The following CSMD3 variants were observed in gnomAD, a reference collection of about 807,000 sequenced individuals.
CSMD3 encodes the protein CUB and sushi domain-containing protein 3.
A neutral mutation model predicts 435.2 loss-of-function variants in CSMD3; 177 were observed. The observed-to-expected ratio is 0.41, with a 90% CI of 0.36 to 0.46. CSMD3 has a LOEUF of 0.46. Among genes scored for constraint, CSMD3 ranks in the 20% least tolerant of loss-of-function variants. The pLI is 0.34. For synonymous variants in CSMD3, 1,656 were observed against 1,520.5 expected, an observed-to-expected ratio of 1.09 and a Z score of -2.07; for missense variants, 4,265 against 4,504.6, an observed-to-expected ratio of 0.95 and a Z score of 1.52.
chr8:113,231,970 A>G (rs1426333164), intron 3 of CSMD3, among the ~76,000 whole-genome samples: 1 of 151,610 alleles, frequency 6.6e-6, no homozygotes, highest in African/African-American at 2.4e-5. Flanking sequence ...AATACAACAC[A>G]GGGATCAAAT....
At chr8:112,289,149 A>C (rs576812732) in intron 57 of CSMD3, among the ~76,000 whole-genome samples, 1 of 152,052 alleles carries the variant, frequency 6.6e-6, no homozygotes, top group African/African-American at 2.4e-5. Flanking sequence ...TCAAAACACA[A>C]ACTTGTAATT....
At chr8:113,006,392 G>C (rs1019543750) in intron 6 of CSMD3, among the ~76,000 whole-genome samples, 7 of 152,018 alleles carry the variant, frequency 4.6e-5, no homozygotes, top group African/African-American at 1.4e-4. Context: ...AGCCCTTGTA[G>C]ATTGGTGAGG....
intron 5 of CSMD3, among the ~76,000 whole-genome samples, chr8:113,096,657 C>A (rs1174581087): frequency 2.6e-5 from 4 of 151,984 alleles, no homozygotes; most frequent in African/African-American, 9.7e-5. Context: ...GAATCTTGAG[C>A]CAGGCTCTAT....
At chr8:113,080,485 T>A (rs2131450478) in intron 5 of CSMD3, among the ~76,000 whole-genome samples, 1 of 152,278 alleles carries the variant, frequency 6.6e-6, no homozygotes, top group African/African-American at 2.4e-5. Context: ...TTATTTGCCT[T>A]TGAGGAGTTA....
intron 2 of CSMD3, among the ~76,000 whole-genome samples, chr8:113,307,641 C>T (rs927080448): frequency 6.6e-6 from 1 of 152,012 alleles, no homozygotes; most frequent in African/African-American, 2.4e-5. Context: ...CAAATAAATG[C>T]TATAAAGATT....
chr8:112,272,480 T>C (rs1207675984), intron 59 of CSMD3, among the ~76,000 whole-genome samples: 2 of 152,138 alleles, frequency 1.3e-5, no homozygotes, highest in Non-Finnish European at 1.5e-5. Flanking sequence ...TCAAAATTTA[T>C]TAAAAACATA....
At chr8:112,375,044 C>T (rs368282406) in intron 38 of CSMD3, among the ~76,000 whole-genome samples, 21 of 152,270 alleles carry the variant, frequency 1.4e-4, no homozygotes, top group African/African-American at 5.1e-4. Context: ...TTTAAAGCAA[C>T]TGCACATAAA....
At chr8:112,299,095 A>G (rs996125386) in intron 53 of CSMD3, among the ~76,000 whole-genome samples, 2 of 152,168 alleles carry the variant, frequency 1.3e-5, no homozygotes, top group African/African-American at 4.8e-5. Flanking sequence ...AGCCTTATAC[A>G]AAAGAGTGCA....
At chr8:112,839,965 T>C (rs2080133414) in intron 11 of CSMD3, among the ~76,000 whole-genome samples, 3 of 151,746 alleles carry the variant, frequency 2.0e-5, no homozygotes, top group African/African-American at 7.2e-5. Flanking sequence ...ATGCATGGTC[T>C]TTGTTGTTAA....
chr8:112,269,147 A>C (rs1432866742), intron 59 of CSMD3, among the ~76,000 whole-genome samples: 1 of 152,122 alleles, frequency 6.6e-6, no homozygotes, highest in Non-Finnish European at 1.5e-5. Flanking sequence ...CTCCTTGAGG[A>C]GATTTAGATT....
chr8:112,451,371 G>GA (rs1436671860), intron 32 of CSMD3, among the ~76,000 whole-genome samples: 71 of 150,708 alleles, frequency 4.7e-4, no homozygotes, highest in African/African-American at 1.4e-3. Context: ...AACATGAAAT[G>GA]AAAAAAAAGA....
intron 22 of CSMD3, among the ~76,000 whole-genome samples, chr8:112,619,730 T>A (rs1833920676): frequency 6.6e-6 from 1 of 152,110 alleles, no homozygotes; most frequent in South Asian, 2.1e-4. Context: ...TAACTGGGTA[T>A]TCTCTTAAAT....
chr8:113,305,808 A>C (rs2132622042), intron 2 of CSMD3, among the ~76,000 whole-genome samples: 1 of 152,382 alleles, frequency 6.6e-6, no homozygotes, highest in Non-Finnish European at 1.5e-5. Flanking sequence ...AATAATCATT[A>C]ACTGCCTAAG....
chr8:112,947,963 T>C (rs544997207), intron 8 of CSMD3, 86 bp from the exon 9 acceptor site: 106 of 666,358 alleles, frequency 1.6e-4, no homozygotes, highest in Admixed American at 2.7e-4. Flanking sequence ...ATACATAAAA[T>C]GTATTATTGT....
intron 3 of CSMD3, among the ~76,000 whole-genome samples, chr8:113,193,976 G>A (rs2092620098): frequency 6.6e-6 from 1 of 151,242 alleles, no homozygotes; most frequent in Non-Finnish European, 1.5e-5. Flanking sequence ...TACACACTAT[G>A]TGTCTAAACA....
intron 4 of CSMD3, among the ~76,000 whole-genome samples, chr8:113,149,607 T>C (rs2091758865): frequency 6.6e-6 from 1 of 151,972 alleles, no homozygotes; most frequent in African/African-American, 2.4e-5. Context: ...GACTGTGCAA[T>C]GTCAACCAGA....
intron 32 of CSMD3, among the ~76,000 whole-genome samples, chr8:112,429,525 G>A (rs964515657): frequency 2.0e-5 from 3 of 152,006 alleles, no homozygotes; most frequent in African/African-American, 7.2e-5. Flanking sequence ...TGAAATGAGT[G>A]CTATGACCCC....
At chr8:113,254,145 T>A (rs772875762) in intron 3 of CSMD3, among the ~76,000 whole-genome samples, 52 of 150,922 alleles carry the variant, frequency 3.4e-4, no homozygotes, top group Admixed American at 6.0e-4. Flanking sequence ...TGTCATGCTG[T>A]ACATTTTCAA....
Position 112,685,668 on chromosome 8 carries a change from C to A in CSMD3, c.2220G>T (p.Gly740=), listed in dbSNP as rs750378889. ...AGATGCAATTTAAATTATTTCCATACCCTTCTGGGTAATCAGGAGAAAGAA... is the reference window on the plus strand; with the variant it reads ...AGATGCAATTTAAATTATTTCCATAACCTTCTGGGTAATCAGGAGAAAGAA... ...GTVLSPDYPE[G]YGNNLNCIWT... is the part of the protein sequence containing the mutation. The change falls in exon 15 of 71, where the codon GGG becomes GGT. Residue 740 remains glycine, a synonymous_variant. Coordinates refer to ENST00000297405, the MANE Select transcript of CSMD3 (RefSeq NM_198123.2). 2.5e-6 allele frequency: 4 copies of A among 1,613,638 alleles called. No individual in the cohort carries two copies. Among genetic ancestry groups the A allele is most frequent in the Non-Finnish European group, 2.5e-6 (3 of 1,179,624 alleles).
Sources: allele counts gnomAD v4.1 joint callset (sites outside exome capture counted in the v4.1 genomes callset), GRCh38; gene constraint gnomAD v4.1.1; transcripts MANE v1.5; gene names NCBI Gene and HGNC (gene_info 2026-07-23, HGNC 2026-07-21).